RIN2: variants seen among roughly 807,000 people sequenced by gnomAD.
RIN2 encodes the protein Ras and Rab interactor 2, also known as RAB5 interacting protein 2.
In RIN2, 36 loss-of-function variants were observed where a neutral mutation model predicts 78.0. The observed-to-expected ratio is 0.46, with a 90% CI of 0.35 to 0.61. RIN2 has a LOEUF of 0.61. Among genes scored for constraint, RIN2 ranks in the 20% least tolerant of loss-of-function variants. The pLI is 0.00. For missense variants in RIN2, 1,087 were observed against 1,159.7 expected (o/e 0.94, Z 0.91); for synonymous variants, 466 against 466.8 (o/e 1.00, Z 0.02).
intron 3 of RIN2, among the ~76,000 whole-genome samples, chr20:19,907,914 A>G (rs987556019): frequency 6.6e-6 from 1 of 152,158 alleles, no homozygotes; most frequent in Non-Finnish European, 1.5e-5. Flanking sequence ...GGATTAATAA[A>G]TCCCTGTCCT....
intron 2 of RIN2, chr20:19,823,819 A>G (rs912073313): frequency 2.5e-6 from 4 of 1,603,462 alleles, no homozygotes; most frequent in Non-Finnish European, 3.4e-6. Flanking sequence ...GTCATCACCA[A>G]CCTTTTTTGG....
chr20:19,837,994 AAG>A (rs1370162948), intron 2 of RIN2, among the ~76,000 whole-genome samples: 1 of 152,180 alleles, frequency 6.6e-6, no homozygotes, highest in Non-Finnish European at 1.5e-5. Context: ...AAGAAAAAGA[AAG>A]TAATTTATTC....
rs367774147 is a variant in RIN2, at chr20:20,000,871, C to A, written c.2623C>A (p.Arg875Ser). Residue 875 changes from arginine to serine, a missense_variant, in exon 13 of 13, where the codon CGC becomes AGC. Physicochemically the swap from Arg to Ser is moderately radical, Grantham distance 110. Around this residue, in one of 8 missense-constraint regions of RIN2, gnomAD observed 160 missense variants for 179.4 expected, o/e 0.89. Transcript: ENST00000255006. ...CCACATCTTCCACTTTGTCTACAAA[C>A]GCATCAAGAACGATCCTTATGGCAT... ...QPHIFHFVYK[R>S]IKNDPYGIIF... 1 of 1,613,886 alleles carries A rather than the reference C, an allele frequency of 6.2e-7. No homozygotes were observed. The highest frequency in any genetic ancestry group is 1.1e-5 in the South Asian group (1 of 91,088).
At chr20:19,792,652 G>C (rs1340058738) in intron 1 of RIN2, among the ~76,000 whole-genome samples, 1 of 152,198 alleles carries the variant, frequency 6.6e-6, no homozygotes, top group Non-Finnish European at 1.5e-5. Context: ...AAGATGATTT[G>C]GTGATTGACA....
At chr20:19,777,941 T>C (rs565941392) in intron 1 of RIN2, among the ~76,000 whole-genome samples, 1 of 152,348 alleles carries the variant, frequency 6.6e-6, no homozygotes, top group African/African-American at 2.4e-5. Context: ...CAATCCACAG[T>C]CTTACTGGTG....
At chr20:19,994,338 A>G (rs2042890213) in intron 11 of RIN2, among the ~76,000 whole-genome samples, 1 of 152,124 alleles carries the variant, frequency 6.6e-6, no homozygotes, top group Admixed American at 6.6e-5. Context: ...TACAGATTGG[A>G]CTTTTCCGTG....
intron 3 of RIN2, among the ~76,000 whole-genome samples, chr20:19,904,000 C>T (rs968384076): frequency 5.3e-5 from 8 of 152,008 alleles, no homozygotes; most frequent in Admixed American, 2.0e-4. Context: ...CCTGTAATCC[C>T]AGCACTTTGG....
chr20:19,818,334 G>A (rs1346711651), intron 2 of RIN2, among the ~76,000 whole-genome samples: 1 of 152,192 alleles, frequency 6.6e-6, no homozygotes, highest in East Asian at 1.9e-4. Context: ...TTTCAGATGA[G>A]CAAAAATGTA....
intron 4 of RIN2, among the ~76,000 whole-genome samples, chr20:19,948,841 T>C (rs887409578): frequency 5.3e-5 from 8 of 152,122 alleles, no homozygotes; most frequent in Non-Finnish European, 1.2e-4. Flanking sequence ...CTCACTCTGT[T>C]GCCCAGGCTC....
chr20:19,836,801 A>T (rs1438934060), intron 2 of RIN2, among the ~76,000 whole-genome samples: 1 of 152,176 alleles, frequency 6.6e-6, no homozygotes, highest in Non-Finnish European at 1.5e-5. Context: ...TTTATAGGTA[A>T]CATCCTATAA....
Position 19,898,903 on chromosome 20 carries a change from A to G in RIN2, c.57+9245A>G, listed in dbSNP as rs145061285. 1.4e-3 allele frequency among the ~76,000 whole-genome samples: 206 copies of G among 152,332 alleles called. No individual in the cohort carries two copies. The Middle Eastern group carries it at 0.014, about 10-fold the overall frequency. Reference sequence around the variant, plus strand: ...GGTGAAAGCAGAAATACAAACTGGAATTACAGAAAAAAATGATACAAAATG... The same window carrying G: ...GGTGAAAGCAGAAATACAAACTGGAGTTACAGAAAAAAATGATACAAAATG... On this transcript the variant is annotated intron_variant, in intron 3 of 12. Coordinates refer to ENST00000255006, the MANE Select transcript of RIN2 (RefSeq NM_018993.4).
chr20:20,000,954 C>G lies in RIN2; in HGVS notation c.*18C>G, dbSNP rs766382879. 5.0e-6 allele frequency: 8 copies of G among 1,590,070 alleles called. No homozygotes were observed. The highest frequency in any genetic ancestry group is 6.8e-6 in the Non-Finnish European group (8 of 1,168,136). On this transcript the variant is annotated 3_prime_UTR_variant, in exon 13 of 13. Coordinates refer to ENST00000255006, the MANE Select transcript of RIN2 (RefSeq NM_018993.4). ...CCTCCTAGAAGACAGGCGGGACTTC[C>G]CAGTGGTGCATCCAAAGGGGAGCTG...
chr20:19,917,454 A>G (rs2039732032), intron 3 of RIN2, among the ~76,000 whole-genome samples: 1 of 152,252 alleles, frequency 6.6e-6, no homozygotes, highest in African/African-American at 2.4e-5. Flanking sequence ...TAAAATGATA[A>G]TAGTTATTTT....
rs980978977 is a variant in RIN2, at chr20:19,908,022, G to T, written c.57+18364G>T. 6.6e-5 allele frequency among the ~76,000 whole-genome samples: 10 copies of T among 152,280 alleles called. No homozygotes were observed. In the South Asian group the frequency reaches 2.1e-3, roughly 32 times the overall value. ...GGGCAGCTGCTGTTGGCTGAAGCTG[G>T]TTAATGAAGTGTTATTTCTTCACCT... is the stretch of plus-strand genomic sequence containing the variant. On this transcript the variant is annotated intron_variant, in intron 3 of 12. Transcript: ENST00000255006.
chr20:19,944,408 G>T (rs1024220749), intron 4 of RIN2, among the ~76,000 whole-genome samples: 2 of 152,128 alleles, frequency 1.3e-5, no homozygotes, highest in Non-Finnish European at 2.9e-5. Context: ...TTTGATACAT[G>T]GTCAAGGATC....
At chr20:19,868,635 A>G (rs1177256391) in intron 2 of RIN2, among the ~76,000 whole-genome samples, 1 of 152,166 alleles carries the variant, frequency 6.6e-6, no homozygotes, top group African/African-American at 2.4e-5. Flanking sequence ...CACACAGCCT[A>G]TGTGAGATAA....
At chr20:19,798,960 C>T (rs982270428) in intron 1 of RIN2, among the ~76,000 whole-genome samples, 1 of 151,844 alleles carries the variant, frequency 6.6e-6, no homozygotes, top group Non-Finnish European at 1.5e-5. Flanking sequence ...AGTGCAGCAG[C>T]ATAATCTCTG....
chr20:19,910,415 T>C (rs1187166266), intron 3 of RIN2, among the ~76,000 whole-genome samples: 1 of 151,956 alleles, frequency 6.6e-6, no homozygotes, highest in African/African-American at 2.4e-5. Flanking sequence ...TCAAGTCGTC[T>C]GTTCACCTTG....
intron 1 of RIN2, among the ~76,000 whole-genome samples, chr20:19,768,922 C>CTTTTTT (rs778608472): frequency 5.2e-5 from 7 of 135,832 alleles, no homozygotes; most frequent in African/African-American, 8.2e-5. Context: ...CTTTCTGTTT[C>CTTTTTT]TTTTTTTTTT....
Sources: allele counts gnomAD v4.1 joint callset (sites outside exome capture counted in the v4.1 genomes callset), GRCh38; gene constraint gnomAD v4.1.1; regional missense constraint gnomAD v4.1.1; transcripts MANE v1.5; gene names NCBI Gene and HGNC (gene_info 2026-07-23, HGNC 2026-07-21).